CYP39A1: variants seen among roughly 807,000 people sequenced by gnomAD.
CYP39A1 encodes 24-hydroxycholesterol 7-alpha-hydroxylase.
A neutral mutation model predicts 58.1 loss-of-function variants in CYP39A1; 49 were observed. The ratio of observed to expected loss-of-function variants is 0.84; its 90% CI spans 0.67 to 1.07. The LOEUF is 1.07. Ranked by LOEUF, CYP39A1 falls within the 50% of genes least tolerant of loss-of-function variation. The probability of loss-of-function intolerance (pLI) is 0.00; values close to 1 mark genes in which losing one functional copy is unlikely to be tolerated. For synonymous variants in CYP39A1, 209 were observed against 187.6 expected (o/e 1.11, Z -0.93); for missense variants, 531 against 539.4 (o/e 0.98, Z 0.16).
chr6:46,621,030 T>C (rs376586497), intron 7 of CYP39A1, among the ~76,000 whole-genome samples: 7 of 152,132 alleles, frequency 4.6e-5, no homozygotes, highest in African/African-American at 9.7e-5. Flanking sequence ...CAAAGAATTA[T>C]AAGGCATATA....
rs757891262 is a variant in CYP39A1 at position 46,636,451 on chromosome 6, C to T, written c.670G>A (p.Glu224Lys). The T allele has an allele frequency of 6.2e-6, 10 of 1,607,854 alleles. No homozygotes were observed. Among genetic ancestry groups the T allele is most frequent in the East Asian group, 4.5e-5 (2 of 44,592 alleles). ...NWSKSKKWFL[E>K]LFEKNIPDIK... ...TCTGGAATGTTTTTCTCAAACAGTT[C>T]CAGGAACCACTTTTTGGATTTTGAC... The change falls in exon 5 of 12, where the codon GAA becomes AAA. Residue 224 changes from glutamate to lysine, a missense_variant. Physicochemically the swap from Glu to Lys is moderately conservative, Grantham distance 56. Transcript: ENST00000275016.
chr6:46,577,669 A>C (rs1027940554), intron 10 of CYP39A1, among the ~76,000 whole-genome samples: 4 of 152,190 alleles, frequency 2.6e-5, no homozygotes, highest in Non-Finnish European at 4.4e-5. Flanking sequence ...AACAATGCTC[A>C]AAAAGGACAA....
chr6:46,589,194 T>G (rs900080311), intron 8 of CYP39A1, among the ~76,000 whole-genome samples: 15 of 152,146 alleles, frequency 9.9e-5, no homozygotes, highest in African/African-American at 3.4e-4. Context: ...GGCTCATGCC[T>G]GTAATCCTAG....
intron 10 of CYP39A1, among the ~76,000 whole-genome samples, chr6:46,569,353 ATTTCT>A (rs1458238813): frequency 6.6e-6 from 1 of 151,924 alleles, no homozygotes; most frequent in African/African-American, 2.4e-5. Context: ...TCCAATTTGG[ATTTCT>A]TTTATTTCTT....
intron 7 of CYP39A1, among the ~76,000 whole-genome samples, chr6:46,598,052 A>C (rs2150527204): frequency 6.6e-6 from 1 of 152,320 alleles, no homozygotes; most frequent in East Asian, 1.9e-4. Flanking sequence ...TAAATGCCAC[A>C]GTTTTTCCAA....
intron 4 of CYP39A1, 84 bp from the exon 5 acceptor site, chr6:46,636,566 G>T: frequency 1.2e-6 from 1 of 823,866 alleles, no homozygotes; most frequent in Non-Finnish European, 1.9e-6. Context: ...GGATGTCTGT[G>T]GAATTAAAAT....
At chr6:46,632,186 T>C (rs1775703066) in intron 5 of CYP39A1, among the ~76,000 whole-genome samples, 1 of 152,140 alleles carries the variant, frequency 6.6e-6, no homozygotes, top group African/African-American at 2.4e-5. Context: ...ACTATGTGCG[T>C]ATTCAGAGAG....
intron 7 of CYP39A1, among the ~76,000 whole-genome samples, chr6:46,608,314 T>C (rs1773976527): frequency 6.6e-6 from 1 of 152,188 alleles, no homozygotes; most frequent in Non-Finnish European, 1.5e-5. Context: ...TTCTGGCTTA[T>C]TTTCTCAACC....
At chr6:46,638,063 G>C in intron 3 of CYP39A1, 85 bp from the exon 4 acceptor site, 1 of 1,340,460 alleles carries the variant, frequency 7.5e-7, no homozygotes, top group South Asian at 1.5e-5. Context: ...TTATTTCATA[G>C]CAATATATGG....
chr6:46,648,831 T>A (rs749068638), intron 1 of CYP39A1, among the ~76,000 whole-genome samples: 2 of 151,910 alleles, frequency 1.3e-5, no homozygotes, highest in Non-Finnish European at 2.9e-5. Flanking sequence ...AAACAAATAA[T>A]GTTTCCATTG....
chr6:46,553,451 G>A (rs770639035), intron 11 of CYP39A1, among the ~76,000 whole-genome samples: 1 of 152,152 alleles, frequency 6.6e-6, no homozygotes, highest in Non-Finnish European at 1.5e-5. Flanking sequence ...AAAAATAAGG[G>A]CAAAGTGGGC....
rs2277119 is a variant in CYP39A1 at position 46,642,168 on chromosome 6, C to T, written c.308G>A (p.Arg103His). 0.24 allele frequency: 380,472 copies of T among 1,609,902 alleles called. 46,987 individuals are homozygous for T. The highest frequency in any genetic ancestry group is 0.38 in the South Asian group (34,697 of 90,808). ...TATCTGAAAATATTCTTTACCTGTA[C>T]GATAAACGATATTTTGCACTGCTAG... ...FELAVQNIVY[R>H]TASIPKNVFL... The change falls in exon 2 of 12, where the codon CGT (arginine) becomes CAT (histidine). Residue 103 changes from arginine (R) to histidine (H), a missense_variant. Transcript: ENST00000275016.
At chr6:46,582,131 A>C (rs749629866) in intron 10 of CYP39A1, among the ~76,000 whole-genome samples, 1 of 152,204 alleles carries the variant, frequency 6.6e-6, no homozygotes, top group Non-Finnish European at 1.5e-5. Context: ...CAATTATACA[A>C]GTAAATACAA....
intron 6 of CYP39A1, among the ~76,000 whole-genome samples, chr6:46,626,455 T>C (rs1037894392): frequency 3.3e-5 from 5 of 152,192 alleles, no homozygotes; most frequent in African/African-American, 1.2e-4. Context: ...GGTAACATTA[T>C]GTACCTTTAA....
At chr6:46,553,653 A>G (rs1294289613) in intron 11 of CYP39A1, 114 bp downstream of exon 11, 1 of 713,026 alleles carries the variant, frequency 1.4e-6, no homozygotes, top group Non-Finnish European at 2.5e-6. Context: ...TGTTAAGATC[A>G]GGCCTAAGTG....
At chr6:46,561,391 G>A (rs1421066976) in intron 10 of CYP39A1, among the ~76,000 whole-genome samples, 1 of 152,096 alleles carries the variant, frequency 6.6e-6, no homozygotes, top group Non-Finnish European at 1.5e-5. Context: ...ACTGCAACAA[G>A]CGAAAAAGAC....
chr6:46,567,997 A>T (rs536055415), intron 10 of CYP39A1, among the ~76,000 whole-genome samples: 1,997 of 42,890 alleles, frequency 0.047, 19 homozygotes, highest in Admixed American at 0.081. Context: ...ATTTTTTTTT[A>T]AAAAAAAAAC....
chr6:46,594,256 T>G (rs2150521364), intron 8 of CYP39A1, among the ~76,000 whole-genome samples: 1 of 152,208 alleles, frequency 6.6e-6, no homozygotes, highest in South Asian at 2.1e-4. Context: ...TGTTCTAGGG[T>G]CATTTTGTGC....
chr6:46,620,296 C>T (rs1289393722), intron 7 of CYP39A1, among the ~76,000 whole-genome samples: 1 of 152,124 alleles, frequency 6.6e-6, no homozygotes, highest in East Asian at 1.9e-4. Flanking sequence ...CTCAGTACTA[C>T]AGTATTCTCA....
Sources: allele counts gnomAD v4.1 joint callset (sites outside exome capture counted in the v4.1 genomes callset), GRCh38; gene constraint gnomAD v4.1.1; transcripts MANE v1.5; gene names NCBI Gene and HGNC (gene_info 2026-07-23, HGNC 2026-07-21).